Variants in SLC9C1 observed in about 807,000 individuals in gnomAD.
The protein encoded by SLC9C1 is solute carrier family 9 member C1, also known as sodium/hydrogen exchanger 10.
Under a neutral mutation model 140.9 loss-of-function variants are expected in SLC9C1, and 97 were observed. The observed-to-expected ratio is 0.69, with a 90% confidence interval of 0.58 to 0.82. SLC9C1 has a LOEUF of 0.82. SLC9C1 is among the 40% of genes least tolerant of loss of function. The pLI is 0.00. For synonymous variants in SLC9C1, 440 were observed against 442.6 expected, an observed-to-expected ratio of 0.99 and a Z score of 0.07; for missense variants, 1,340 against 1,389.3, an observed-to-expected ratio of 0.96 and a Z score of 0.56.
chr3:112,288,623 G>C (rs2080587980), intron 1 of SLC9C1, among the ~76,000 whole-genome samples: 1 of 152,170 alleles, frequency 6.6e-6, no homozygotes, highest in Non-Finnish European at 1.5e-5. Flanking sequence ...TCAGTGTGGT[G>C]CTCGCCTATG....
At chr3:112,246,666 T>A (rs183172712) in intron 10 of SLC9C1, among the ~76,000 whole-genome samples, 1 of 152,274 alleles carries the variant, frequency 6.6e-6, no homozygotes, top group Admixed American at 6.5e-5. Flanking sequence ...ATTTTTTAGA[T>A]GTCCTTAAAT....
At position 112,231,446 on chromosome 3, in the gene SLC9C1, C is replaced by T; in HGVS notation, c.1487G>A (p.Cys496Tyr). Residue 496 changes from cysteine to tyrosine, a missense_variant, in exon 13 of 29, where the codon TGT becomes TAT. Coordinates refer to ENST00000305815, the MANE Select transcript of SLC9C1 (RefSeq NM_183061.3). ...EETTEHQKVK[C>Y]PHCNKEIDEI... ...ATCTATTTCCTTGTTACAGTGTGGA[C>T]ATTTCACCTTCTGATGTTCTGTTGT... The T allele has an allele frequency of 1.9e-6, 3 of 1,612,832 alleles. No homozygotes were observed. Among genetic ancestry groups the T allele is most frequent in the South Asian group, 1.1e-5 (1 of 90,932 alleles).
chr3:112,199,456 A>G lies in SLC9C1; in HGVS notation c.2388T>C (p.Tyr796=). The G allele has an allele frequency of 6.3e-7, 1 of 1,586,688 alleles. No homozygotes were observed. Among genetic ancestry groups the G allele is most frequent in the Non-Finnish European group, 8.5e-7 (1 of 1,169,648 alleles). ...HAIKELGYLE[Y]DHPEIAVTVK... ...CAGTGACAGCAATTTCTGGGTGATC[A>G]TACTCTAAGTAGCCTAAAAAATAAC... The change falls in exon 20 of 29, where the codon TAT becomes TAC. Residue 796 remains tyrosine (Y), a synonymous_variant. Transcript: ENST00000305815.
chr3:112,186,277 C>T (rs1464520760), intron 20 of SLC9C1, among the ~76,000 whole-genome samples: 2 of 151,706 alleles, frequency 1.3e-5, no homozygotes, highest in African/African-American at 4.8e-5. Flanking sequence ...CTGCCTATGC[C>T]AATATCATGA....
intron 10 of SLC9C1, among the ~76,000 whole-genome samples, chr3:112,257,186 C>G (rs1425068896): frequency 6.6e-6 from 1 of 152,054 alleles, no homozygotes; most frequent in Non-Finnish European, 1.5e-5. Context: ...ATTCACAGAA[C>G]TAGAAAAATC....
Position 112,261,907 on chromosome 3 carries a change from T to C in SLC9C1, c.1197+1017A>G, listed in dbSNP as rs529810901. 5.3e-5 allele frequency among the ~76,000 whole-genome samples: 8 copies of C among 152,210 alleles called. No individual in the cohort carries two copies. In the South Asian group the frequency reaches 1.0e-3, roughly 20 times the overall value. The stretch of plus-strand genomic sequence containing the variant: ...GTTCAATTTCAGGAAGTTTATGAGC[T>C]GACTGATGTTCTGTTGGTGGAAGTG... On this transcript the variant is annotated intron_variant, in intron 10 of 28. Transcript: ENST00000305815.
At chr3:112,141,375 A>T (rs1492480) in intron 28 of SLC9C1, 94 bp from the exon 29 acceptor site, 2 of 1,325,988 alleles carry the variant, frequency 1.5e-6, no homozygotes, top group Non-Finnish European at 2.0e-6. Context: ...CTAGAGGGTC[A>T]ATTTGACTCC....
intron 20 of SLC9C1, among the ~76,000 whole-genome samples, chr3:112,197,234 C>T (rs2077790069): frequency 6.6e-6 from 1 of 151,816 alleles, no homozygotes; most frequent in African/African-American, 2.4e-5. Context: ...AGTCTGGCTC[C>T]CAAAAGAGAA....
chr3:112,224,723 T>C (rs2078634765), intron 13 of SLC9C1, among the ~76,000 whole-genome samples: 5 of 150,346 alleles, frequency 3.3e-5, no homozygotes, highest in Admixed American at 3.3e-4. Flanking sequence ...AAGCCAGATA[T>C]TTTCAAATAA....
At chr3:112,188,309 T>C (rs949434396) in intron 20 of SLC9C1, among the ~76,000 whole-genome samples, 1 of 152,148 alleles carries the variant, frequency 6.6e-6, no homozygotes, top group African/African-American at 2.4e-5. Context: ...ATAGGTATAC[T>C]TGTGCCGTGT....
At position 112,188,551 on chromosome 3, in the gene SLC9C1, CA is replaced by C. The variant is rs2077584348; in HGVS notation, c.2524-6294del. Among the ~76,000 whole-genome samples, 4 of 152,308 alleles carry C rather than the reference CA, an allele frequency of 2.6e-5. No individual in the cohort carries two copies. In the South Asian group the frequency reaches 8.3e-4, roughly 32 times the overall value. ...GTTTCCAGCTTCATCCATGTCCCTG[CA>C]AAGGACATGAACTCATCCTTTTTTA... On this transcript the variant is annotated intron_variant, in intron 20 of 28. Coordinates refer to ENST00000305815, the MANE Select transcript of SLC9C1 (RefSeq NM_183061.3).
intron 1 of SLC9C1, among the ~76,000 whole-genome samples, chr3:112,293,864 G>A (rs1232351327): frequency 1.3e-5 from 2 of 152,200 alleles, no homozygotes; most frequent in Non-Finnish European, 2.9e-5. Context: ...CATAATGGAG[G>A]AGGGGAAGCA....
intron 13 of SLC9C1, among the ~76,000 whole-genome samples, chr3:112,226,587 T>C (rs752604435): frequency 3.3e-5 from 5 of 152,020 alleles, no homozygotes; most frequent in Non-Finnish European, 7.4e-5. Context: ...CCAGGTGTGG[T>C]GGCAAGCACC....
chr3:112,256,521 T>C (rs1399142286), intron 10 of SLC9C1, among the ~76,000 whole-genome samples: 1 of 152,140 alleles, frequency 6.6e-6, no homozygotes, highest in Non-Finnish European at 1.5e-5. Flanking sequence ...CAACATCTCT[T>C]CCTGTTAAAA....
At chr3:112,268,788 C>T (rs2079992006) in intron 7 of SLC9C1, among the ~76,000 whole-genome samples, 1 of 152,130 alleles carries the variant, frequency 6.6e-6, no homozygotes, top group African/African-American at 2.4e-5. Context: ...TGAGAATATA[C>T]ACCATTGTCT....
chr3:112,168,687 C>T (rs2077186869), intron 25 of SLC9C1, among the ~76,000 whole-genome samples, 190 bp downstream of exon 25: 1 of 152,082 alleles, frequency 6.6e-6, no homozygotes, highest in Non-Finnish European at 1.5e-5. Context: ...CCAAAGCAGT[C>T]AATGAACTTG....
chr3:112,229,655 T>A (rs939915612), intron 13 of SLC9C1, among the ~76,000 whole-genome samples: 5 of 151,918 alleles, frequency 3.3e-5, no homozygotes, highest in Admixed American at 3.3e-4. Context: ...GTATAAAGAA[T>A]TAGTGGCAAT....
chr3:112,147,679 T>C (rs2107842561), intron 28 of SLC9C1, among the ~76,000 whole-genome samples: 1 of 152,294 alleles, frequency 6.6e-6, no homozygotes, highest in Non-Finnish European at 1.5e-5. Flanking sequence ...TCCCATTGTA[T>C]GTTATCTACC....
intron 23 of SLC9C1, 100 bp from the exon 24 acceptor site, chr3:112,169,428 A>G: frequency 1.8e-6 from 2 of 1,105,246 alleles, no homozygotes; most frequent in Non-Finnish European, 1.2e-6. Context: ...TAATAATTTA[A>G]TTAGGTAAGA....
Sources: gnomAD v4.1 joint callset for allele counts (sites outside exome capture counted in the v4.1 genomes callset) on GRCh38, gnomAD v4.1.1 for gene constraint, MANE v1.5 for transcripts, NCBI Gene and HGNC (gene_info 2026-07-23, HGNC 2026-07-21) for gene names.